The following TTN variants were observed in gnomAD, a reference collection of about 807,000 sequenced individuals.
TTN encodes titin.
In TTN, 1,525 loss-of-function variants were observed where a neutral mutation model predicts 3,223.0. That is an observed-to-expected ratio of 0.47 (90% CI 0.45 to 0.49). TTN has a LOEUF of 0.49. Ranked by LOEUF, TTN falls within the 20% of genes least tolerant of loss-of-function variation. The pLI is 0.00. For missense variants in TTN, 40,786 were observed against 43,424.0 expected (o/e 0.94, Z 5.40); for synonymous variants, 14,094 against 15,161.0 (o/e 0.93, Z 5.17).
At chr2:178,756,161 G>T in intron 46 of TTN, 61 bp downstream of exon 46, 2 of 1,261,330 alleles carry the variant, frequency 1.6e-6, no homozygotes, top group South Asian at 1.4e-5. Context: ...TTGCATGGCA[G>T]AAAAGCTGCA....
chr2:178,672,025 C>T lies in TTN; in HGVS notation c.35173G>A (p.Val11725Ile). The T allele has an allele frequency of 6.2e-7, 1 of 1,609,536 alleles. No individual in the cohort carries two copies. Among genetic ancestry groups the T allele is most frequent in the Non-Finnish European group, 8.5e-7 (1 of 1,178,460 alleles). Residue 11725 changes from valine to isoleucine, a missense_variant, in exon 155 of 363, where the codon GTT (valine) becomes ATT (isoleucine). Physicochemically the swap from Val to Ile is conservative, Grantham distance 29. Transcript: ENST00000589042. ...RVEKVHRVIEVFEAEEVEVFE... is the reference protein window; with the variant it reads ...RVEKVHRVIEIFEAEEVEVFE... ...ACTTCCACTTCTTCAGCCTCAAAAA[C>T]TTCTATTACCCTATGAACTTTTTCA...
In TTN at chr2:178,702,475, T is replaced by G. The variant is rs539637860; in HGVS notation, c.30412A>C (p.Asn10138His). 33 of 1,613,920 alleles carry G rather than the reference T, an allele frequency of 2.0e-5. 1 individual carries two copies. In the South Asian group the frequency reaches 2.9e-4, roughly 14 times the overall value. The change falls in exon 107 of 363, where the codon AAT becomes CAT. Residue 10138 changes from asparagine to histidine, a missense_variant. Asn to His is a moderately conservative substitution (Grantham distance 68). Transcript: ENST00000589042. ...TCACCTTCATCGTCTGGGGTCACAT[T>G]GTGGATGGTCATATAATGGCAGCGG... ...DGRCHYMTIH[N>H]VTPDDEGVYS...
chr2:178,754,190 G>T (rs956628038), intron 46 of TTN, among the ~76,000 whole-genome samples: 1 of 152,130 alleles, frequency 6.6e-6, no homozygotes, highest in South Asian at 2.1e-4. Flanking sequence ...TATTCAAAAA[G>T]ACTTCCAGGG....
chr2:178,670,382 GAACACAGC>G, intron 156 of TTN, 87 bp from the exon 157 acceptor site: 1 of 639,094 alleles, frequency 1.6e-6, no homozygotes, highest in Non-Finnish European at 2.4e-6. Context: ...ACACAGAACA[GAACACAGC>G]AACAATATAA....
Position 178,731,335 on chromosome 2 carries a change from G to T in TTN, c.17431C>A (p.Gln5811Lys). ...ACTGAGAGTAATGCAGAACATCTTTGTATTCCTGCATCATTTTTGGCCTGA... is the reference window on the plus strand; with the variant it reads ...ACTGAGAGTAATGCAGAACATCTTTTTATTCCTGCATCATTTTTGGCCTGA... Reference protein sequence around the residue: ...VCQAKNDAGIQRCSALLSVKE... With the variant: ...VCQAKNDAGIKRCSALLSVKE... Residue 5811 changes from glutamine to lysine, a missense_variant, in exon 59 of 363, where the codon CAA (glutamine) becomes AAA (lysine). By Grantham distance (53) the Gln-to-Lys change is moderately conservative. Transcript: ENST00000589042. 1.9e-6 allele frequency: 3 copies of T among 1,613,758 alleles called. No homozygotes were observed. Among genetic ancestry groups the T allele is most frequent in the African/African-American group, 1.3e-5 (1 of 75,028 alleles).
Position 178,576,048 on chromosome 2 carries a change from T to G in TTN, c.70084A>C (p.Ile23362Leu), listed in dbSNP as rs372048460. 8 of 1,613,542 alleles carry G rather than the reference T, an allele frequency of 5.0e-6. No homozygotes were observed. Among genetic ancestry groups the G allele is most frequent in the Non-Finnish European group, 6.8e-6 (8 of 1,179,626 alleles). The change falls in exon 326 of 363, where the codon ATT (isoleucine) becomes CTT (leucine). Residue 23362 changes from isoleucine to leucine, a missense_variant. By Grantham distance (5) the Ile-to-Leu change is conservative (BLOSUM62 2). Transcript: ENST00000589042. The surrounding 1 kb of genome is among the most constrained non-coding windows in gnomAD (Gnocchi z 4.3). ...RTLVVRAGLSIRIFVPIKGRP... is the reference protein window; with the variant it reads ...RTLVVRAGLSLRIFVPIKGRP... Reference sequence around the variant, plus strand: ...CCTTTAATTGGCACAAATATCCTAATACTGAGTCCTGCTCTAACAACAAGT... The same window carrying G: ...CCTTTAATTGGCACAAATATCCTAAGACTGAGTCCTGCTCTAACAACAAGT...
Position 178,728,557 on chromosome 2 carries a change from A to T in TTN, c.19369T>A (p.Phe6457Ile). 1 of 1,613,088 alleles carries T rather than the reference A, an allele frequency of 6.2e-7. No homozygotes were observed. The highest frequency in any genetic ancestry group is 8.5e-7 in the Non-Finnish European group (1 of 1,179,462). ...CTTCCGAAGTCATTTTCCACCTTGA[A>T]AGTGTACTGACCGCTGTCCTGCTTC... ...VMKQDSGQYT[F>I]KVENDFGSSS... is the part of the protein sequence containing the mutation. Residue 6457 changes from phenylalanine (F) to isoleucine (I), a missense_variant, in exon 66 of 363, where the codon TTC (phenylalanine) becomes ATC (isoleucine). Transcript: ENST00000589042.
At position 178,566,304 on chromosome 2, in the gene TTN, CA is replaced by C. The variant is rs397517715; in HGVS notation, c.79827del (p.Ala26610ProfsTer34). On this transcript the variant is annotated frameshift_variant, in exon 326 of 363. Transcript: ENST00000589042. LOFTEE classifies it high-confidence loss of function. Reference sequence around the variant, plus strand: ...CCTTTGAATGGAATGTGAATTCTGGCAGATCCACCAGCTCTTACAACAATTC... The same window carrying C: ...CCTTTGAATGGAATGTGAATTCTGGCGATCCACCAGCTCTTACAACAATTC... ...RKGIVVRAGGSARIHIPFKGR... is the reference protein window; with the variant it reads ...RKGIVVRAGGXARIHIPFKGR... 1 of 1,613,644 alleles carries C rather than the reference CA, an allele frequency of 6.2e-7. No homozygotes were observed.
Position 178,593,464 on chromosome 2 carries a change from C to T in TTN, c.58744G>A (p.Ala19582Thr). The T allele has an allele frequency of 6.2e-7, 1 of 1,609,472 alleles. No homozygotes were observed. The highest frequency in any genetic ancestry group is 8.5e-7 in the Non-Finnish European group (1 of 1,178,882). The change falls in exon 299 of 363, where the codon GCA becomes ACA. Residue 19582 changes from alanine to threonine, a missense_variant. By Grantham distance (58) the Ala-to-Thr change is moderately conservative. Transcript: ENST00000589042. ...TCTGTAACAATTGGCTGATCAGGTGCATCAGGAACCCCTGTAACAAATGTT... is the reference window on the plus strand; with the variant it reads ...TCTGTAACAATTGGCTGATCAGGTGTATCAGGAACCCCTGTAACAAATGTT... ...KAKDRFRVPDAPDQPIVTEVT... is the reference protein window; with the variant it reads ...KAKDRFRVPDTPDQPIVTEVT...
intron 359 of TTN, 142 bp from the exon 360 acceptor site, chr2:178,529,361 A>C (rs1420631188): frequency 1.8e-6 from 1 of 566,922 alleles, no homozygotes; most frequent in Non-Finnish European, 2.8e-6. Flanking sequence ...ATACTTTCTC[A>C]GTTCCACTTT....
At position 178,680,080 on chromosome 2, in the gene TTN, G is replaced by T. The variant is rs748509486; in HGVS notation, c.33419-25C>A. 6 of 1,608,302 alleles carry T rather than the reference G, an allele frequency of 3.7e-6. No homozygotes were observed. In the African/African-American group the frequency reaches 8.1e-5, roughly 22 times the overall value. On this transcript the variant is annotated intron_variant, in intron 139 of 362. Transcript: ENST00000589042. ...ACTTTAAAGATATTATCTTTAAGTT[G>T]GACATTTGCCAATGACTCAACAAAA...
chr2:178,544,413 G>A lies in TTN; in HGVS notation c.95816C>T (p.Thr31939Ile). Residue 31939 changes from threonine (T) to isoleucine (I), a missense_variant, in exon 345 of 363, where the codon ACT (threonine) becomes ATT (isoleucine). By Grantham distance (89) the Thr-to-Ile change is moderately conservative. Coordinates refer to ENST00000589042, the MANE Select transcript of TTN (RefSeq NM_001267550.2). Reference protein sequence around the residue: ...AWTKPMYDGGTDIVGYVLEMQ... With the variant: ...AWTKPMYDGGIDIVGYVLEMQ... Reference sequence around the variant, plus strand: ...TTCCAGAACATATCCTACAATGTCAGTACCACCATCGTACATGGGTTTGGT... The same window carrying A: ...TTCCAGAACATATCCTACAATGTCAATACCACCATCGTACATGGGTTTGGT... The A allele has an allele frequency of 1.9e-6, 3 of 1,613,682 alleles. No homozygotes were observed. The highest frequency in any genetic ancestry group is 2.2e-5 in the South Asian group (2 of 91,080).
intron 115 of TTN, 48 bp downstream of exon 115, chr2:178,695,299 GA>G (rs1577549664): frequency 2.7e-6 from 4 of 1,459,300 alleles, no homozygotes; most frequent in Middle Eastern, 1.8e-4. Flanking sequence ...AACAAGCCAT[GA>G]TAATGATGTT....
rs573695669 is a variant in TTN, at chr2:178,629,403, G to A, written c.44322C>T (p.Thr14774=). ...IGLLRPLKDV[T]VTAGETATFD... ...AGGTGGCTGTTTCCCCTGCAGTCAC[G>A]GTGACATCCTTTAAAGGCCTCAGAA... The change falls in exon 240 of 363, where the codon ACC becomes ACT. Residue 14774 remains threonine (T), a synonymous_variant. Transcript: ENST00000589042. 6 of 1,612,960 alleles carry A rather than the reference G, an allele frequency of 3.7e-6. No homozygotes were observed. The highest frequency in any genetic ancestry group is 2.7e-5 in the African/African-American group (2 of 74,972).
In TTN at chr2:178,647,040, GTA is replaced by G. The variant is rs10580462; in HGVS notation, c.40222+22_40222+23del. The G allele has an allele frequency of 0.23, 162,164 of 697,118 alleles. 3,591 individuals carry two copies. Among genetic ancestry groups the G allele is most frequent in the African/African-American group, 0.39 (20,353 of 52,046 alleles). The allele number at this position is 697,118 out of a possible 1,614,324, so 43.2% of individuals were successfully genotyped here. On this transcript the variant is annotated intron_variant, in intron 215 of 362. Transcript: ENST00000589042. ...GGAATCTTCAGGAGATTAAAAAAAT[GTA>G]TATATATATATATATATATACCTTC...
Position 178,728,125 on chromosome 2 carries a change from T to C in TTN, c.19699A>G (p.Ile6567Val), listed in dbSNP as rs1415509567. 1.3e-6 allele frequency: 2 copies of C among 1,578,668 alleles called. No individual in the cohort carries two copies. The highest frequency in any genetic ancestry group is 1.4e-5 in the African/African-American group (1 of 73,814). ...NVAGDDACSGILTVKEPPSFL... is the reference protein window; with the variant it reads ...NVAGDDACSGVLTVKEPPSFL... The stretch of plus-strand genomic sequence containing the variant: ...AAATTCTAACCTTTCACAGTTAAGA[T>C]GCCACTGCATGCATCATCTCCTGCT... Residue 6567 changes from isoleucine (I) to valine (V), a missense_variant, in exon 67 of 363, where the codon ATC (isoleucine) becomes GTC (valine). By Grantham distance (29) the Ile-to-Val change is conservative. Coordinates refer to ENST00000589042, the MANE Select transcript of TTN (RefSeq NM_001267550.2).
rs1474501322 is a variant in TTN, at chr2:178,588,999, A to G, written c.62726T>C (p.Met20909Thr). ...AGTAGCAGAATAGGTAGACCAAACC[A>G]TTCGCTTTGTCTCACATTTTTCTAG... ...YILEKCETKR[M>T]VWSTYSATVL... The change falls in exon 304 of 363, where the codon ATG becomes ACG. Residue 20909 changes from methionine to threonine, a missense_variant. Coordinates refer to ENST00000589042, the MANE Select transcript of TTN (RefSeq NM_001267550.2). The G allele has an allele frequency of 5.0e-6, 8 of 1,611,724 alleles. No individual in the cohort carries two copies. The highest frequency in any genetic ancestry group is 8.5e-7 in the Non-Finnish European group (1 of 1,179,342).
At position 178,624,714 on chromosome 2, in the gene TTN, T is replaced by A; in HGVS notation, c.44566A>T (p.Thr14856Ser). 6.2e-7 allele frequency: 1 copy of A among 1,612,298 alleles called. No individual in the cohort carries two copies. Among genetic ancestry groups the A allele is most frequent in the Non-Finnish European group, 8.5e-7 (1 of 1,178,924 alleles). Residue 14856 changes from threonine (T) to serine (S), a missense_variant, in exon 242 of 363, where the codon ACT becomes TCT. Coordinates refer to ENST00000589042, the MANE Select transcript of TTN (RefSeq NM_001267550.2). ...LFVKEPPVEF[T>S]KPLEDQTVEE... ...ACCGTCTGGTCCTCAAGAGGCTTAG[T>A]GAATTCAACTGGGGGTTCTGAAAGA...
chr2:178,567,780 T>C lies in TTN; in HGVS notation c.78352A>G (p.Ser26118Gly). ...QWTKPVYDGG[S>G]MITGYIVEKR... The stretch of plus-strand genomic sequence containing the variant: ...TCTACAATGTAGCCTGTAATCATAC[T>C]TCCACCATCATACACAGGTTTGGTC... The change falls in exon 326 of 363, where the codon AGT becomes GGT. Residue 26118 changes from serine to glycine, a missense_variant. Ser to Gly is a moderately conservative substitution (Grantham distance 56). Coordinates refer to ENST00000589042, the MANE Select transcript of TTN (RefSeq NM_001267550.2). 6.2e-7 allele frequency: 1 copy of C among 1,613,508 alleles called. No homozygotes were observed. The highest frequency in any genetic ancestry group is 8.5e-7 in the Non-Finnish European group (1 of 1,179,586).
Sources: allele counts gnomAD v4.1 joint callset (sites outside exome capture counted in the v4.1 genomes callset), GRCh38; gene constraint gnomAD v4.1.1; non-coding constraint Gnocchi (gnomAD v3.1); transcripts MANE v1.5; gene names NCBI Gene and HGNC (gene_info 2026-07-23, HGNC 2026-07-21).